SCAI: variants seen among roughly 807,000 people sequenced by gnomAD.
SCAI encodes protein SCAI.
In SCAI, 24 loss-of-function variants were observed where a neutral mutation model predicts 92.2. That is an observed-to-expected ratio of 0.26 (90% CI 0.19 to 0.37). The LOEUF is 0.37. SCAI is among the 10% of genes least tolerant of loss of function. SCAI has a pLI of 1.00. For missense variants in SCAI, 450 were observed against 736.2 expected (o/e 0.61, Z 4.50); for synonymous variants, 261 against 258.6 (o/e 1.01, Z -0.09).
intron 2 of SCAI, among the ~76,000 whole-genome samples, chr9:125,057,383 G>T (rs1362096604): frequency 6.6e-6 from 1 of 152,142 alleles, no homozygotes; most frequent in Non-Finnish European, 1.5e-5. Context: ...AAACACAAAT[G>T]AGAGTGAAGA....
intron 12 of SCAI, among the ~76,000 whole-genome samples, 194 bp from the exon 13 acceptor site, chr9:125,000,184 T>C (rs1462803684): frequency 3.3e-5 from 5 of 152,170 alleles, no homozygotes; most frequent in Non-Finnish European, 5.9e-5. Context: ...TTTTCAACAT[T>C]TTAAAAAACA....
chr9:125,111,900 T>G (rs575180700), intron 2 of SCAI, among the ~76,000 whole-genome samples: 1 of 152,036 alleles, frequency 6.6e-6, no homozygotes, highest in Non-Finnish European at 1.5e-5. Flanking sequence ...CAGAATGCTG[T>G]AGAGGAGAAA....
At chr9:124,986,615 GAA>G (rs1320004383) in intron 14 of SCAI, among the ~76,000 whole-genome samples, 2 of 152,188 alleles carry the variant, frequency 1.3e-5, no homozygotes, top group African/African-American at 4.8e-5. Flanking sequence ...ATCGATATGT[GAA>G]GAGAAAATGA....
intron 9 of SCAI, 91 bp from the exon 10 acceptor site, chr9:125,003,661 C>G: frequency 1.3e-6 from 1 of 781,326 alleles, no homozygotes; most frequent in Non-Finnish European, 2.2e-6. Context: ...GTGACTTTCA[C>G]ATGTACTTCA....
In SCAI at chr9:124,943,377, G is replaced by A. The variant is rs969752599; in HGVS notation, c.*9430C>T. The A allele has an allele frequency of 6.6e-6, 1 of 151,816 alleles. No individual in the cohort carries two copies. The highest frequency in any genetic ancestry group is 1.5e-5 in the Non-Finnish European group (1 of 67,842). 9.4% of individuals were successfully genotyped at this position (151,816 alleles called of 1,614,324 possible). On this transcript the variant is annotated 3_prime_UTR_variant, in exon 18 of 18. Transcript: ENST00000336505. Reference sequence around the variant, plus strand: ...TATCCAAATATTAATACAAATGAACGACAAGATTGTTTCAAAGATTACAGT... The same window carrying A: ...TATCCAAATATTAATACAAATGAACAACAAGATTGTTTCAAAGATTACAGT...
intron 2 of SCAI, among the ~76,000 whole-genome samples, chr9:125,083,543 G>A (rs1834264428): frequency 6.9e-6 from 1 of 145,786 alleles, no homozygotes; most frequent in Non-Finnish European, 1.5e-5. Flanking sequence ...AAAAAAAGAT[G>A]TGACTTGCTC....
intron 2 of SCAI, among the ~76,000 whole-genome samples, chr9:125,120,842 A>T (rs555864034): frequency 2.6e-5 from 4 of 152,270 alleles, no homozygotes; most frequent in African/African-American, 9.6e-5. Context: ...AGATCATGCC[A>T]CTGCACTCCA....
At chr9:125,065,842 C>T (rs1321427361) in intron 2 of SCAI, 14 of 550,142 alleles carry the variant, frequency 2.5e-5, no homozygotes, top group Non-Finnish European at 3.6e-5. Context: ...ACTACAATTG[C>T]TCAACAGATG....
At chr9:125,067,225 T>C (rs1275766776) in intron 2 of SCAI, among the ~76,000 whole-genome samples, 3 of 152,140 alleles carry the variant, frequency 2.0e-5, no homozygotes, top group Admixed American at 2.0e-4. Context: ...TGTGTCCCCC[T>C]TAAAAGATAT....
intron 2 of SCAI, among the ~76,000 whole-genome samples, chr9:125,057,717 A>C (rs1010485944): frequency 2.6e-5 from 4 of 152,180 alleles, no homozygotes; most frequent in Admixed American, 2.0e-4. Flanking sequence ...ACTGGCAGGG[A>C]AAGTAGGAGC....
intron 2 of SCAI, among the ~76,000 whole-genome samples, chr9:125,068,327 C>G (rs1209431089): frequency 6.6e-6 from 1 of 151,614 alleles, no homozygotes; most frequent in Non-Finnish European, 1.5e-5. Flanking sequence ...AAAGCAAGAC[C>G]CCATCTCTAC....
intron 2 of SCAI, among the ~76,000 whole-genome samples, chr9:125,077,836 G>A (rs1215525820): frequency 5.9e-5 from 9 of 151,668 alleles, no homozygotes; most frequent in East Asian, 1.9e-4. Context: ...CTCGTGCCTC[G>A]GCCTCCCAAG....
chr9:124,984,661 G>A (rs1014158435), intron 14 of SCAI, among the ~76,000 whole-genome samples: 1 of 152,188 alleles, frequency 6.6e-6, no homozygotes, highest in South Asian at 2.1e-4. Flanking sequence ...GGGGAAAGCT[G>A]TATATGGAAG....
intron 17 of SCAI, among the ~76,000 whole-genome samples, chr9:124,963,935 G>A (rs1831492970): frequency 6.6e-6 from 1 of 152,018 alleles, no homozygotes; most frequent in Non-Finnish European, 1.5e-5. Flanking sequence ...GTGGCAGAGA[G>A]AGGAGAGGTG....
intron 9 of SCAI, among the ~76,000 whole-genome samples, chr9:125,007,534 A>G (rs1308368613): frequency 6.6e-6 from 1 of 152,074 alleles, no homozygotes; most frequent in Non-Finnish European, 1.5e-5. Context: ...ATAAAACATA[A>G]ACATTTTTGG....
chr9:125,138,340 C>T (rs1835586604), intron 2 of SCAI, among the ~76,000 whole-genome samples: 1 of 150,320 alleles, frequency 6.7e-6, no homozygotes, highest in African/African-American at 2.4e-5. Context: ...ACTGCAACCT[C>T]CACTTCCTGG....
intron 3 of SCAI, among the ~76,000 whole-genome samples, chr9:125,032,411 C>T (rs1213735392): frequency 2.0e-5 from 3 of 150,966 alleles, no homozygotes; most frequent in East Asian, 2.0e-4. Flanking sequence ...AGGGTGGTCT[C>T]GAACTCCTGA....
At chr9:124,975,480 G>C (rs1831736706) in intron 15 of SCAI, 2 of 312,978 alleles carry the variant, frequency 6.4e-6, no homozygotes, top group African/African-American at 2.2e-5. Context: ...AAATGACTGG[G>C]AGTTAGAATT....
rs892009815 is a variant in SCAI at position 124,943,948 on chromosome 9, A to G, written c.*8859T>C. The G allele has an allele frequency of 6.6e-6, 1 of 152,222 alleles. No homozygotes were observed. The highest frequency in any genetic ancestry group is 2.4e-5 in the African/African-American group (1 of 41,456). 9.4% of individuals were successfully genotyped at this position (152,222 alleles called of 1,614,324 possible). On this transcript the variant is annotated 3_prime_UTR_variant, in exon 18 of 18. Transcript: ENST00000336505. ...ATCACTATTTATACTGGTGCTACAC[A>G]ACGAAGATAACCTATATGGATAAGT...
Sources: gnomAD v4.1 joint callset for allele counts (sites outside exome capture counted in the v4.1 genomes callset) on GRCh38, gnomAD v4.1.1 for gene constraint, MANE v1.5 for transcripts, NCBI Gene and HGNC (gene_info 2026-07-23, HGNC 2026-07-21) for gene names.